The following LRRC3C variants were observed in gnomAD, a reference collection of about 807,000 sequenced individuals.
LRRC3C encodes leucine rich repeat containing 3C.
Under a neutral mutation model 14.8 loss-of-function variants are expected in LRRC3C, and 11 were observed. The ratio of observed to expected loss-of-function variants is 0.74; its 90% confidence interval spans 0.47 to 1.23. The LOEUF (loss-of-function observed/expected upper bound fraction) is 1.23. LRRC3C is among the 50% of genes most tolerant of loss of function. The probability of loss-of-function intolerance (pLI) is 0.00; values close to 1 mark genes in which losing one functional copy is unlikely to be tolerated. For synonymous variants in LRRC3C, 149 were observed against 161.5 expected, an observed-to-expected ratio of 0.92 and a Z score of 0.59; for missense variants, 354 against 361.8, an observed-to-expected ratio of 0.98 and a Z score of 0.18.
At chr17:39,934,826 T>C (rs902907586) in intron 1 of LRRC3C, 1 of 152,172 alleles carries the variant, frequency 6.6e-6, no homozygotes, top group Non-Finnish European at 1.5e-5. Flanking sequence ...GGTTGCCCAT[T>C]TTTATGGTTA....
At chr17:39,935,448 C>T (rs376355024) in intron 1 of LRRC3C, among the ~76,000 whole-genome samples, 10 of 152,242 alleles carry the variant, frequency 6.6e-5, no homozygotes, top group East Asian at 3.9e-4. Context: ...CCCTCATTGG[C>T]TGGGGGACAT....
At chr17:39,935,410 G>A (rs1978769847) in intron 1 of LRRC3C, among the ~76,000 whole-genome samples, 1 of 152,068 alleles carries the variant, frequency 6.6e-6, no homozygotes, top group African/African-American at 2.4e-5. Flanking sequence ...GGTGATCGGA[G>A]GGCTATATTT....
intron 1 of LRRC3C, among the ~76,000 whole-genome samples, chr17:39,934,270 T>C (rs1568117316): frequency 6.6e-6 from 1 of 152,180 alleles, no homozygotes; most frequent in African/African-American, 2.4e-5. Context: ...ATATGGACAA[T>C]TGACACTCTC....
chr17:39,937,930 G>C (rs113778191), intron 2 of LRRC3C, among the ~76,000 whole-genome samples: 1 of 151,922 alleles, frequency 6.6e-6, no homozygotes, highest in East Asian at 1.9e-4. Flanking sequence ...TCAAGAGTTC[G>C]AGACTGGCCT....
chr17:39,928,846 C>G (rs575121061), intron 1 of LRRC3C, among the ~76,000 whole-genome samples: 19 of 152,346 alleles, frequency 1.2e-4, no homozygotes, highest in African/African-American at 4.3e-4. Flanking sequence ...AGTTGTCACA[C>G]AGCTGGAGTG....
At chr17:39,940,730 A>T (rs1978915909) in intron 2 of LRRC3C, among the ~76,000 whole-genome samples, 1 of 151,960 alleles carries the variant, frequency 6.6e-6, no homozygotes, top group Non-Finnish European at 1.5e-5. Context: ...GGCATGAGCC[A>T]CTGCACCCAG....
rs1322121852 is a variant in LRRC3C, at chr17:39,944,594, G to A, written c.688G>A (p.Gly230Arg). Residue 230 changes from glycine to arginine, a missense_variant, in exon 4 of 4, where the codon GGG becomes AGG. Gly to Arg is a moderately radical substitution (Grantham distance 125). Coordinates refer to ENST00000377924, the MANE Select transcript of LRRC3C (RefSeq NM_001195545.2). ...STDVALLVTM[G>R]GWLTLMVAYL... ...CGATGTGGCCCTGCTGGTCACCATG[G>A]GGGGCTGGCTGACACTCATGGTGGC... is the stretch of plus-strand genomic sequence containing the variant. 1.3e-6 allele frequency: 2 copies of A among 1,535,452 alleles called. No individual in the cohort carries two copies. Among genetic ancestry groups the A allele is most frequent in the Non-Finnish European group, 1.7e-6 (2 of 1,146,642 alleles).
At chr17:39,933,590 G>A (rs370105936) in intron 1 of LRRC3C, among the ~76,000 whole-genome samples, 117 of 152,116 alleles carry the variant, frequency 7.7e-4, no homozygotes, top group African/African-American at 2.5e-3. Flanking sequence ...AAAATTAGCC[G>A]GGCGTGGTGG....
chr17:39,939,019 GA>G (rs796607794), intron 2 of LRRC3C, among the ~76,000 whole-genome samples: 6,279 of 80,064 alleles, frequency 0.078, 406 homozygotes, highest in African/African-American at 0.22. Flanking sequence ...CCATCTCAAA[GA>G]AAAAAAAAAA....
In LRRC3C at chr17:39,943,997, C is replaced by A. The variant is rs1230645663; in HGVS notation, c.91C>A (p.Pro31Thr). 5.3e-5 allele frequency: 81 copies of A among 1,535,996 alleles called. No homozygotes were observed. The highest frequency in any genetic ancestry group is 7.0e-5 in the Non-Finnish European group (80 of 1,146,884). The change falls in exon 4 of 4, where the codon CCC (proline) becomes ACC (threonine). Residue 31 changes from proline to threonine, a missense_variant. Transcript: ENST00000377924. Reference sequence around the variant, plus strand: ...GCTCCCAACAGCAGGTCACCTCCTGCCCCTCCTGCTGGTGATAGGCACAGG... The same window carrying A: ...GCTCCCAACAGCAGGTCACCTCCTGACCCTCCTGCTGGTGATAGGCACAGG... The part of the protein sequence containing the change: ...AMLPTAGHLL[P>T]LLLVIGTGGT...
chr17:39,934,068 G>A (rs892900676), intron 1 of LRRC3C, among the ~76,000 whole-genome samples: 2 of 152,146 alleles, frequency 1.3e-5, no homozygotes, highest in South Asian at 2.1e-4. Context: ...TGGCAGCATC[G>A]CCAGCGGGCA....
intron 2 of LRRC3C, 72 bp from the exon 3 acceptor site, chr17:39,941,367 AAAAG>A: frequency 4.0e-6 from 2 of 497,240 alleles, no homozygotes; most frequent in African/African-American, 2.0e-5. Context: ...AAAAAAAAAA[AAAAG>A]GAAGAAATTC....
chr17:39,936,269 A>T (rs1326795123), intron 2 of LRRC3C, among the ~76,000 whole-genome samples: 1 of 152,224 alleles, frequency 6.6e-6, no homozygotes, highest in East Asian at 1.9e-4. Context: ...AACAGAAAGG[A>T]TGTGCCCCGT....
chr17:39,944,107 G>A lies in LRRC3C; in HGVS notation c.201G>A (p.Gln67=). Residue 67 remains glutamine (Q), a synonymous_variant, in exon 4 of 4, where the codon CAG becomes CAA. Coordinates refer to ENST00000377924, the MANE Select transcript of LRRC3C (RefSeq NM_001195545.2). ...GTGAACGGACGTTCCGCTGCAGCCA[G>A]GCAGGCCTCAGTGCTGTGCCCTCCG... The part of the protein sequence containing the change: ...EAGERTFRCS[Q]AGLSAVPSGI... The A allele has an allele frequency of 6.5e-7, 1 of 1,536,176 alleles. No individual in the cohort carries two copies. The highest frequency in any genetic ancestry group is 8.7e-7 in the Non-Finnish European group (1 of 1,146,918).
chr17:39,934,045 G>A (rs1356920171), intron 1 of LRRC3C, among the ~76,000 whole-genome samples: 1 of 152,264 alleles, frequency 6.6e-6, no homozygotes, highest in Non-Finnish European at 1.5e-5. Flanking sequence ...GAAGCCAGGA[G>A]TGGGTGCGGG....
chr17:39,933,272 C>T (rs1978700037), intron 1 of LRRC3C, among the ~76,000 whole-genome samples: 1 of 152,188 alleles, frequency 6.6e-6, no homozygotes, highest in Admixed American at 6.5e-5. Flanking sequence ...CTGAGGTAGA[C>T]ACATTCCCCA....
intron 1 of LRRC3C, among the ~76,000 whole-genome samples, chr17:39,931,490 A>T (rs1331901683): frequency 1.3e-5 from 2 of 151,248 alleles, no homozygotes; most frequent in Non-Finnish European, 2.9e-5. Flanking sequence ...ACATACATAC[A>T]TACTAAAATA....
chr17:39,944,223 A>G lies in LRRC3C; in HGVS notation c.317A>G (p.Glu106Gly). The G allele has an allele frequency of 6.5e-7, 1 of 1,535,774 alleles. No individual in the cohort carries two copies. Among genetic ancestry groups the G allele is most frequent in the Non-Finnish European group, 8.7e-7 (1 of 1,146,814 alleles). ...GCCTTCCAGCACCTGCCTGTCCTGG[A>G]GGAGTTGGATCTGTCCCATAATGCC... ...AGAFQHLPVLEELDLSHNALA... is the reference protein window; with the variant it reads ...AGAFQHLPVLGELDLSHNALA... The change falls in exon 4 of 4, where the codon GAG becomes GGG. Residue 106 changes from glutamate (E) to glycine (G), a missense_variant. Coordinates refer to ENST00000377924, the MANE Select transcript of LRRC3C (RefSeq NM_001195545.2).
chr17:39,935,945 A>G (rs993509460), intron 2 of LRRC3C, 51 bp downstream of exon 2: 3 of 937,930 alleles, frequency 3.2e-6, no homozygotes, highest in Admixed American at 6.2e-5. Context: ...CTACCTATCT[A>G]TCTATCTTTT....
Sources: gnomAD v4.1 joint callset for allele counts (sites outside exome capture counted in the v4.1 genomes callset) on GRCh38, gnomAD v4.1.1 for gene constraint, MANE v1.5 for transcripts, NCBI Gene and HGNC (gene_info 2026-07-23, HGNC 2026-07-21) for gene names.